TSHZ2: variants seen among roughly 807,000 people sequenced by gnomAD.
TSHZ2 encodes teashirt zinc finger homeobox 2.
In TSHZ2, 21 loss-of-function variants were observed where a neutral mutation model predicts 74.4. The observed-to-expected ratio is 0.28, with a 90% CI of 0.20 to 0.41. TSHZ2 has a LOEUF of 0.41. TSHZ2 is among the 10% of genes least tolerant of loss of function. The pLI is 1.00. For synonymous variants in TSHZ2, 540 were observed against 515.3 expected (o/e 1.05, Z -0.65); for missense variants, 1,244 against 1,293.5 (o/e 0.96, Z 0.59).
At chr20:53,397,569 A>C (rs921205033) in intron 2 of TSHZ2, 2 of 152,178 alleles carry the variant, frequency 1.3e-5, no homozygotes, top group African/African-American at 4.8e-5. Context: ...ACAGTGTGGC[A>C]ATTCCTCAAG....
chr20:53,373,692 C>T (rs1319582836), intron 2 of TSHZ2, among the ~76,000 whole-genome samples: 1 of 152,142 alleles, frequency 6.6e-6, no homozygotes, highest in Non-Finnish European at 1.5e-5. Flanking sequence ...GCTGTGAAAT[C>T]TTACAAAAAG....
chr20:53,159,610 GAAAT>G (rs1188117138), intron 1 of TSHZ2, among the ~76,000 whole-genome samples: 1 of 150,860 alleles, frequency 6.6e-6, no homozygotes, highest in Non-Finnish European at 1.5e-5. Flanking sequence ...CAGTTAAAGA[GAAAT>G]AAATGTTTTT....
At chr20:53,424,158 T>G (rs1983580267) in intron 2 of TSHZ2, among the ~76,000 whole-genome samples, 1 of 152,250 alleles carries the variant, frequency 6.6e-6, no homozygotes, top group Non-Finnish European at 1.5e-5. Context: ...TTATGGCAGC[T>G]GTCCTGTAGG....
chr20:53,073,912 T>C (rs1199078218), intron 1 of TSHZ2, among the ~76,000 whole-genome samples: 1 of 152,228 alleles, frequency 6.6e-6, no homozygotes. Flanking sequence ...CTATTAATTA[T>C]ACAGATTTGT....
intron 1 of TSHZ2, among the ~76,000 whole-genome samples, chr20:53,223,314 A>G (rs755559001): frequency 6.6e-6 from 1 of 152,190 alleles, no homozygotes; most frequent in Non-Finnish European, 1.5e-5. Context: ...GGTGAATTTT[A>G]AAATATATGA....
chr20:53,076,151 A>C (rs1159731066), intron 1 of TSHZ2, among the ~76,000 whole-genome samples: 1 of 152,232 alleles, frequency 6.6e-6, no homozygotes, highest in South Asian at 2.1e-4. Flanking sequence ...TTAATCTGGC[A>C]GTAGTTTACA....
chr20:53,472,750 T>C (rs1221199798), intron 2 of TSHZ2, among the ~76,000 whole-genome samples: 1 of 150,948 alleles, frequency 6.6e-6, no homozygotes. Flanking sequence ...AGGTACCAGG[T>C]TCATCTCACT....
chr20:53,275,513 T>C (rs956045242), intron 2 of TSHZ2, among the ~76,000 whole-genome samples: 2 of 151,852 alleles, frequency 1.3e-5, no homozygotes, highest in Admixed American at 6.6e-5. Context: ...GTGGAGGTGA[T>C]TTTCAAGAGG....
At chr20:53,209,654 C>T (rs1989254465) in intron 1 of TSHZ2, among the ~76,000 whole-genome samples, 1 of 152,186 alleles carries the variant, frequency 6.6e-6, no homozygotes, top group Admixed American at 6.5e-5. Flanking sequence ...ACTTCCAAAT[C>T]AATCAAAAAG....
Position 53,253,646 on chromosome 20 carries a change from G to A in TSHZ2, c.188G>A (p.Cys63Tyr), listed in dbSNP as rs147945388. The change falls in exon 2 of 3, where the codon TGC (cysteine) becomes TAC (tyrosine). Residue 63 changes from cysteine (C) to tyrosine (Y), a missense_variant. Cys to Tyr is a radical substitution (Grantham distance 194). Coordinates refer to ENST00000371497, the MANE Select transcript of TSHZ2 (RefSeq NM_173485.6). Reference protein sequence around the residue: ...ELETGPEQKGCFSYQNSPGSH... With the variant: ...ELETGPEQKGYFSYQNSPGSH... ...GAAACGGGCCCAGAGCAAAAAGGCT[G>A]CTTCAGCTACCAGAACTCTCCAGGA... 2.7e-5 allele frequency: 44 copies of A among 1,614,054 alleles called. No individual in the cohort carries two copies. The highest frequency in any genetic ancestry group is 3.2e-5 in the Non-Finnish European group (38 of 1,180,048).
At chr20:53,138,570 C>G (rs1987310808) in intron 1 of TSHZ2, among the ~76,000 whole-genome samples, 1 of 152,096 alleles carries the variant, frequency 6.6e-6, no homozygotes, top group Non-Finnish European at 1.5e-5. Flanking sequence ...TATTTGTGCT[C>G]TTCCTCCACC....
chr20:53,470,953 C>T (rs1164032719), intron 2 of TSHZ2, among the ~76,000 whole-genome samples: 1 of 152,150 alleles, frequency 6.6e-6, no homozygotes, highest in East Asian at 1.9e-4. Context: ...ACTTAAACTC[C>T]CTCTGCTTCA....
chr20:53,174,340 C>A (rs544048387), intron 1 of TSHZ2, among the ~76,000 whole-genome samples: 8 of 152,166 alleles, frequency 5.3e-5, no homozygotes, highest in Admixed American at 3.9e-4. Context: ...AGCTTCAGAT[C>A]TAAGGAGAAA....
In TSHZ2 at chr20:53,450,027, G is replaced by A. The variant is rs1480401579; in HGVS notation, c.*9-37117G>A. ...TGGGCCTAGGGCCTGATATGTATAG[G>A]TGCTCAAATGTTTATTGATTGAAGA... On this transcript the variant is annotated intron_variant, in intron 2 of 2. Transcript: ENST00000371497. Among the ~76,000 whole-genome samples, 3 of 152,332 alleles carry A rather than the reference G, an allele frequency of 2.0e-5. No homozygotes were observed. The East Asian group carries it at 5.8e-4, about 29-fold the overall frequency.
intron 2 of TSHZ2, among the ~76,000 whole-genome samples, chr20:53,382,486 C>A (rs1452305072): frequency 6.6e-6 from 1 of 152,110 alleles, no homozygotes; most frequent in Non-Finnish European, 1.5e-5. Flanking sequence ...TGAAGCTGTC[C>A]CAAGATTATC....
At chr20:53,395,394 C>T (rs1982410178) in intron 2 of TSHZ2, among the ~76,000 whole-genome samples, 1 of 152,200 alleles carries the variant, frequency 6.6e-6, no homozygotes, top group South Asian at 2.1e-4. Context: ...AAGGAGCCTG[C>T]ATCAGTCTCT....
intron 2 of TSHZ2, among the ~76,000 whole-genome samples, chr20:53,466,863 T>A: frequency 6.6e-6 from 1 of 152,232 alleles, no homozygotes; most frequent in Non-Finnish European, 1.5e-5. Context: ...ATCCTTATCA[T>A]TTTGCATTAT....
chr20:53,325,860 C>A (rs1316577375), intron 2 of TSHZ2, among the ~76,000 whole-genome samples: 3 of 152,178 alleles, frequency 2.0e-5, no homozygotes, highest in African/African-American at 4.8e-5. Flanking sequence ...CGGCTCACTG[C>A]AAACTCCGCC....
chr20:53,027,133 A>G (rs1171759791), intron 1 of TSHZ2, among the ~76,000 whole-genome samples: 2 of 152,168 alleles, frequency 1.3e-5, no homozygotes, highest in Non-Finnish European at 2.9e-5. Flanking sequence ...ATTGCAGCTG[A>G]ATATTTGAAT....
Sources: allele counts gnomAD v4.1 joint callset (sites outside exome capture counted in the v4.1 genomes callset), GRCh38; gene constraint gnomAD v4.1.1; transcripts MANE v1.5; gene names NCBI Gene and HGNC (gene_info 2026-07-23, HGNC 2026-07-21).